Variants in KNTC1 observed in about 807,000 individuals in gnomAD.
KNTC1 encodes kinetochore associated 1.
A neutral mutation model predicts 314.4 loss-of-function variants in KNTC1; 253 were observed. The observed-to-expected ratio is 0.80, with a 90% CI of 0.73 to 0.89. The LOEUF (loss-of-function observed/expected upper bound fraction) is 0.89, where lower values mean the gene tolerates loss of function less well. Ranked by LOEUF, KNTC1 falls within the 40% of genes least tolerant of loss-of-function variation. KNTC1 has a pLI of 0.00. For missense variants in KNTC1, 2,475 were observed against 2,572.9 expected (o/e 0.96, Z 0.82); for synonymous variants, 901 against 901.4 (o/e 1.00, Z 0.01).
rs775266225 is a variant in KNTC1, at chr12:122,585,775, G to A, written c.3673+1G>A. 4 of 1,613,244 alleles carry A rather than the reference G, an allele frequency of 2.5e-6. No homozygotes were observed. Among genetic ancestry groups the A allele is most frequent in the South Asian group, 1.1e-5 (1 of 91,062 alleles). ...ATTTCATCTCTTGTGCCTCTAGCTG[G>A]TAAGTCTTATTTGTATCATTATTTT... On this transcript the variant is annotated splice_donor_variant, in intron 37 of 63. Coordinates refer to ENST00000333479, the MANE Select transcript of KNTC1 (RefSeq NM_014708.6). LOFTEE classifies it high-confidence loss of function.
chr12:122,549,789 AT>A lies in KNTC1; in HGVS notation c.1013del (p.Leu338TyrfsTer31). ...AGATGAAAAACCTCATGGTTTATTC[AT>A]TACCTACAATGGAAATACTATATTC... Reference protein sequence around the residue: ...KKMKNLMVYSLPTMEILYSLE... With the variant: ...KKMKNLMVYSXPTMEILYSLE... On this transcript the variant is annotated frameshift_variant, in exon 13 of 64. Transcript: ENST00000333479. LOFTEE classifies it high-confidence loss of function. 6.5e-7 allele frequency: 1 copy of A among 1,543,486 alleles called. No individual in the cohort carries two copies. The highest frequency in any genetic ancestry group is 8.9e-7 in the Non-Finnish European group (1 of 1,129,526).
chr12:122,594,451 A>G lies in KNTC1; in HGVS notation c.4355+66A>G, dbSNP rs886539769. On this transcript the variant is annotated intron_variant, in intron 43 of 63. Coordinates refer to ENST00000333479, the MANE Select transcript of KNTC1 (RefSeq NM_014708.6). ...ACTGGTAATTCTTTTGCAAGAACAC[A>G]GTAATAACGATGATTATTTTATGAG... 3 of 883,668 alleles carry G rather than the reference A, an allele frequency of 3.4e-6. No homozygotes were observed. The African/African-American group carries it at 5.0e-5, about 15-fold the overall frequency. The allele number at this position is 883,668 out of a possible 1,614,324, so 54.7% of individuals were successfully genotyped here.
At chr12:122,544,010 T>C (rs1413753542) in intron 7 of KNTC1, 149 bp from the exon 8 acceptor site, 2 of 450,614 alleles carry the variant, frequency 4.4e-6, no homozygotes, top group Non-Finnish European at 7.7e-6. Context: ...GATTGCGCCA[T>C]TGCACTCTAG....
chr12:122,551,315 G>A lies in KNTC1; in HGVS notation c.1087-4G>A, dbSNP rs1360227538. ...ATTTTAATCATGTTTTTTTGTTATT[G>A]TAGGATACCATATACCTTTTAGAAG... On this transcript the variant is annotated splice_region_variant and splice_polypyrimidine_tract_variant and intron_variant, in intron 13 of 63. Coordinates refer to ENST00000333479, the MANE Select transcript of KNTC1 (RefSeq NM_014708.6). The A allele has an allele frequency of 6.5e-6, 10 of 1,543,288 alleles. No individual in the cohort carries two copies. The highest frequency in any genetic ancestry group is 2.3e-5 in the South Asian group (2 of 86,736).
rs1565985519 is a variant in KNTC1 at position 122,584,434 on chromosome 12, C to T, written c.3420C>T (p.Ala1140=). Reference sequence around the variant, plus strand: ...TACATGATCTAGCAAGCCAAGCTGCCACCATTTGCAGTCCAGGTGACAATA... The same window carrying T: ...TACATGATCTAGCAAGCCAAGCTGCTACCATTTGCAGTCCAGGTGACAATA... The part of the protein sequence containing the change: ...SMIHDLASQA[A]TICSPDFLLD... The change falls in exon 35 of 64, where the codon GCC becomes GCT. Residue 1140 remains alanine, a synonymous_variant. Transcript: ENST00000333479. 1 of 1,608,034 alleles carries T rather than the reference C, an allele frequency of 6.2e-7. No homozygotes were observed. The highest frequency in any genetic ancestry group is 1.7e-5 in the Admixed American group (1 of 59,124).
chr12:122,586,816 TTA>T, intron 38 of KNTC1, 59 bp downstream of exon 38: 1 of 614,866 alleles, frequency 1.6e-6, no homozygotes, highest in Non-Finnish European at 2.3e-6. Flanking sequence ...ATTTATTTAT[TTA>T]TTTTATTTTT....
chr12:122,587,635 C>A, intron 38 of KNTC1, 76 bp from the exon 39 acceptor site: 1 of 1,221,182 alleles, frequency 8.2e-7, no homozygotes, highest in Non-Finnish European at 1.1e-6. Context: ...CAGGCTGTCC[C>A]TGAAAACAGT....
chr12:122,596,651 G>A (rs1871100260), intron 43 of KNTC1, among the ~76,000 whole-genome samples: 1 of 151,998 alleles, frequency 6.6e-6, no homozygotes, highest in African/African-American at 2.4e-5. Flanking sequence ...GACCAGCCTT[G>A]GTGACATAGT....
chr12:122,626,277 TTAA>T lies in KNTC1; in HGVS notation c.*51_*53del, dbSNP rs549636133. The T allele has an allele frequency of 2.4e-4, 307 of 1,285,882 alleles. 2 individuals are homozygous for T. The African/African-American group carries it at 4.0e-3, about 17-fold the overall frequency. The allele number at this position is 1,285,882 out of a possible 1,614,324, so 79.7% of individuals were successfully genotyped here. On this transcript the variant is annotated 3_prime_UTR_variant, in exon 64 of 64. Transcript: ENST00000333479. ...AGGACAAGAATTTTGGAGTCTGCTA[TTAA>T]TGGACCATATTTATTACAGTTTTTA...
In KNTC1 at chr12:122,620,470, C is replaced by T. The variant is rs1050227482; in HGVS notation, c.6150-9C>T. 2 of 1,610,470 alleles carry T rather than the reference C, an allele frequency of 1.2e-6. No homozygotes were observed. Among genetic ancestry groups the T allele is most frequent in the Non-Finnish European group, 1.7e-6 (2 of 1,177,816 alleles). ...CAGATTATTAACTAATTAATGTTCT[C>T]TCTCGAAGATGTCCAGTCTCAGGTG... is the stretch of plus-strand genomic sequence containing the variant. On this transcript the variant is annotated splice_polypyrimidine_tract_variant and intron_variant, in intron 59 of 63. Transcript: ENST00000333479.
rs766442610 is a variant in KNTC1 at position 122,602,724 on chromosome 12, C to G, written c.4809C>G (p.Asn1603Lys). Residue 1603 changes from asparagine to lysine, a missense_variant, in exon 46 of 64, where the codon AAC (asparagine) becomes AAG (lysine). Transcript: ENST00000333479. ...FHLIFFGTAQNFWKILSTELS... is the reference protein window; with the variant it reads ...FHLIFFGTAQKFWKILSTELS... ...TGATATTCTTTGGCACAGCACAGAA[C>G]TTCTGGAAAATTCTCTGTATGTGTT... is the stretch of plus-strand genomic sequence containing the variant. The G allele has an allele frequency of 2.9e-5, 46 of 1,613,684 alleles. 1 individual carries two copies. In the South Asian group the frequency reaches 5.1e-4, roughly 18 times the overall value.
Position 122,582,686 on chromosome 12 carries a change from T to C in KNTC1, c.2983-19T>C. The C allele has an allele frequency of 6.4e-7, 1 of 1,561,214 alleles. No homozygotes were observed. Reference sequence around the variant, plus strand: ...GATTAAACAGACTTGGGACTTTGTCTTGCTTACCTTTGCTACAGGAGAACT... The same window carrying C: ...GATTAAACAGACTTGGGACTTTGTCCTGCTTACCTTTGCTACAGGAGAACT... On this transcript the variant is annotated intron_variant, in intron 33 of 63. Transcript: ENST00000333479.
chr12:122,533,923 G>T (rs1470266261), intron 2 of KNTC1, among the ~76,000 whole-genome samples: 5 of 150,518 alleles, frequency 3.3e-5, no homozygotes, highest in Non-Finnish European at 7.4e-5. Flanking sequence ...GGTGAACCTT[G>T]TAGGTATTAT....
chr12:122,619,122 A>T (rs1465042458), intron 59 of KNTC1, among the ~76,000 whole-genome samples: 2 of 149,102 alleles, frequency 1.3e-5, no homozygotes, highest in East Asian at 4.0e-4. Context: ...CAGTGGTGCG[A>T]CCTCAGCTCA....
Position 122,579,851 on chromosome 12 carries a change from G to A in KNTC1, c.2842-54G>A, listed in dbSNP as rs569869089. Reference sequence around the variant, plus strand: ...TTTGTGTATTTGTATATGTACTACTGAAGTGGTCAGAAAAGGAAGTAGATT... The same window carrying A: ...TTTGTGTATTTGTATATGTACTACTAAAGTGGTCAGAAAAGGAAGTAGATT... On this transcript the variant is annotated intron_variant, in intron 31 of 63. Transcript: ENST00000333479. 1.1e-5 allele frequency: 13 copies of A among 1,204,210 alleles called. No homozygotes were observed. In the South Asian group the frequency reaches 1.1e-4, roughly 11 times the overall value. The allele number at this position is 1,204,210 out of a possible 1,614,324, so 74.6% of individuals were successfully genotyped here. A position where few individuals can be genotyped will look rare whatever the true frequency, so the allele number is the denominator to read the frequency against.
chr12:122,546,600 C>T, intron 9 of KNTC1, 22 bp from the exon 10 acceptor site: 1 of 1,486,816 alleles, frequency 6.7e-7, no homozygotes, highest in Non-Finnish European at 9.2e-7. Context: ...AATCCTGAGA[C>T]ATCTTATTTT....
In KNTC1 at chr12:122,535,202, G is replaced by GCT. The variant is rs1327358526; in HGVS notation, c.250+419_250+420dup. Among the ~76,000 whole-genome samples, 3 of 152,206 alleles carry GCT rather than the reference G, an allele frequency of 2.0e-5. No individual in the cohort carries two copies. The East Asian group carries it at 5.8e-4, about 29-fold the overall frequency. ...AATTAATTCTTCATCGAGCTACAAG[G>GCT]CTTCAAGTACATGCAAATGTGGATT... is the stretch of plus-strand genomic sequence containing the variant. On this transcript the variant is annotated intron_variant, in intron 3 of 63. Coordinates refer to ENST00000333479, the MANE Select transcript of KNTC1 (RefSeq NM_014708.6).
At position 122,622,328 on chromosome 12, in the gene KNTC1, A is replaced by C; in HGVS notation, c.6370-134A>C. Reference sequence around the variant, plus strand: ...CAAAAAGGAGGCGCAGTCACAATGCAGTGCTAATTGGGCTTCCGATTGTCA... The same window carrying C: ...CAAAAAGGAGGCGCAGTCACAATGCCGTGCTAATTGGGCTTCCGATTGTCA... On this transcript the variant is annotated intron_variant, in intron 61 of 63. Transcript: ENST00000333479. 4 of 776,258 alleles carry C rather than the reference A, an allele frequency of 5.2e-6. No homozygotes were observed. The South Asian group carries it at 7.0e-5, about 14-fold the overall frequency. The allele number at this position is 776,258 out of a possible 1,614,324, so 48.1% of individuals were successfully genotyped here.
chr12:122,616,311 G>A (rs1873760421), intron 57 of KNTC1, among the ~76,000 whole-genome samples: 1 of 150,954 alleles, frequency 6.6e-6, no homozygotes, highest in African/African-American at 2.4e-5. Context: ...TGCCCAGGCT[G>A]GAGTGCAGTT....
Sources: allele counts gnomAD v4.1 joint callset (sites outside exome capture counted in the v4.1 genomes callset), GRCh38; gene constraint gnomAD v4.1.1; transcripts MANE v1.5; gene names NCBI Gene and HGNC (gene_info 2026-07-23, HGNC 2026-07-21).